The following TCP11L1 variants were observed in gnomAD, a reference collection of about 807,000 sequenced individuals.
TCP11L1 encodes the protein t-complex 11 like 1.
Under a neutral mutation model 48.9 loss-of-function variants are expected in TCP11L1, and 28 were observed. That is an observed-to-expected ratio of 0.57 (90% CI 0.42 to 0.78). The LOEUF is 0.78. Among genes scored for constraint, TCP11L1 ranks in the 30% least tolerant of loss-of-function variants. The pLI is 0.00. For missense variants in TCP11L1, 505 were observed against 613.4 expected (o/e 0.82, Z 1.87); for synonymous variants, 204 against 231.9 (o/e 0.88, Z 1.09).
At chr11:33,069,366 TAAC>T (rs981412256) in intron 9 of TCP11L1, among the ~76,000 whole-genome samples, 5 of 151,566 alleles carry the variant, frequency 3.3e-5, no homozygotes, top group African/African-American at 1.2e-4. Context: ...TCAAATATAA[TAAC>T]TTAAAATGGT....
In TCP11L1 at chr11:33,061,687, G is replaced by A. The variant is rs1854471669; in HGVS notation, c.933G>A (p.Lys311=). The A allele has an allele frequency of 6.2e-7, 1 of 1,609,100 alleles. No individual in the cohort carries two copies. Among genetic ancestry groups the A allele is most frequent in the Non-Finnish European group, 8.5e-7 (1 of 1,177,186 alleles). ...CTGTCCAGAATTACGCTTACCTGAA[G>A]CTTCTGAAGTGGGACCACCTCCAGA... The part of the protein sequence containing the change: ...PVAVQNYAYL[K]LLKWDHLQRP... The change falls in exon 7 of 10, where the codon AAG becomes AAA. Residue 311 remains lysine (K), a synonymous_variant. Transcript: ENST00000334274.
chr11:33,057,915 GT>G lies in TCP11L1; in HGVS notation c.418-3del. The G allele has an allele frequency of 6.2e-7, 1 of 1,610,538 alleles. No homozygotes were observed. The highest frequency in any genetic ancestry group is 8.5e-7 in the Non-Finnish European group (1 of 1,179,028). ...TGATTAAACGTAGCTGTGTTCTCTTGTAGACTCTCTTATCTTTCTTGCTGCC... is the reference window on the plus strand; with the variant it reads ...TGATTAAACGTAGCTGTGTTCTCTTGAGACTCTCTTATCTTTCTTGCTGCC... On this transcript the variant is annotated splice_region_variant and splice_polypyrimidine_tract_variant and intron_variant, in intron 4 of 9. Coordinates refer to ENST00000334274, the MANE Select transcript of TCP11L1 (RefSeq NM_018393.4).
At chr11:33,045,054 A>T (rs575063563) in intron 2 of TCP11L1, among the ~76,000 whole-genome samples, 1 of 152,276 alleles carries the variant, frequency 6.6e-6, no homozygotes, top group Non-Finnish European at 1.5e-5. Flanking sequence ...CATCTATTGC[A>T]TTTAAAGATG....
chr11:33,058,842 C>T (rs574902421), intron 5 of TCP11L1, 117 bp from the exon 6 acceptor site: 161 of 1,143,422 alleles, frequency 1.4e-4, no homozygotes, highest in Non-Finnish European at 1.8e-4. Flanking sequence ...GCAGTCCTCC[C>T]GCCTTGGCCT....
intron 9 of TCP11L1, among the ~76,000 whole-genome samples, chr11:33,071,868 C>A (rs1854800283): frequency 6.6e-6 from 1 of 152,062 alleles, no homozygotes; most frequent in South Asian, 2.1e-4. Flanking sequence ...TGTTTGGGGA[C>A]AGAGTCTGGC....
At chr11:33,053,875 G>A (rs1411099491) in intron 2 of TCP11L1, among the ~76,000 whole-genome samples, 1 of 151,928 alleles carries the variant, frequency 6.6e-6, no homozygotes, top group East Asian at 1.9e-4. Context: ...TGTTACCCAG[G>A]CTTGAGTGCA....
intron 9 of TCP11L1, among the ~76,000 whole-genome samples, chr11:33,069,679 AC>A (rs1854721337): frequency 6.6e-6 from 1 of 151,862 alleles, no homozygotes; most frequent in Non-Finnish European, 1.5e-5. Flanking sequence ...ACTGCACTCC[AC>A]CTCTGTGCTC....
Position 33,072,846 on chromosome 11 carries a change from C to A in TCP11L1, c.*170C>A. On this transcript the variant is annotated 3_prime_UTR_variant, in exon 10 of 10. Transcript: ENST00000334274. ...TTGAAAAGACTTGTTGAGAAATCCA[C>A]TGAATTCTATTTTGAGAGATTGTAT... The A allele has an allele frequency of 1.4e-6, 1 of 707,008 alleles. No individual in the cohort carries two copies. The highest frequency in any genetic ancestry group is 2.3e-6 in the Non-Finnish European group (1 of 429,538). The allele number at this position is 707,008 out of a possible 1,614,324, so 43.8% of individuals were successfully genotyped here. A position where few individuals can be genotyped will look rare whatever the true frequency, so the allele number is the denominator to read the frequency against.
At chr11:33,069,168 C>A (rs1292031531) in intron 9 of TCP11L1, among the ~76,000 whole-genome samples, 1 of 152,148 alleles carries the variant, frequency 6.6e-6, no homozygotes, top group Non-Finnish European at 1.5e-5. Context: ...GGGCAGCAAC[C>A]TTACAAGGTC....
At chr11:33,064,285 G>A (rs1170848349) in intron 7 of TCP11L1, among the ~76,000 whole-genome samples, 1 of 152,222 alleles carries the variant, frequency 6.6e-6, no homozygotes, top group Non-Finnish European at 1.5e-5. Context: ...ACAAAGCCAT[G>A]TGAAGTCAGA....
At chr11:33,043,555 A>T (rs985838073) in intron 1 of TCP11L1, among the ~76,000 whole-genome samples, 195 bp from the exon 2 acceptor site, 1 of 152,242 alleles carries the variant, frequency 6.6e-6, no homozygotes, top group Admixed American at 6.5e-5. Flanking sequence ...GATAAATTAC[A>T]AATGTCATTT....
chr11:33,060,617 G>A (rs952396322), intron 6 of TCP11L1, among the ~76,000 whole-genome samples: 5 of 152,162 alleles, frequency 3.3e-5, no homozygotes, highest in Admixed American at 2.0e-4. Context: ...ATCCCTCAGA[G>A]TGCCCCCTGC....
Position 33,050,752 on chromosome 11 carries a change from G to T in TCP11L1, c.164-3841G>T, listed in dbSNP as rs75538906. Reference sequence around the variant, plus strand: ...TTATCCATTTTTTATTTTGTAGTTTGAGTTTTTTGTATCCTATCTAAGAAA... The same window carrying T: ...TTATCCATTTTTTATTTTGTAGTTTTAGTTTTTTGTATCCTATCTAAGAAA... On this transcript the variant is annotated intron_variant, in intron 2 of 9. Coordinates refer to ENST00000334274, the MANE Select transcript of TCP11L1 (RefSeq NM_018393.4). 7.4e-3 allele frequency among the ~76,000 whole-genome samples: 1,126 copies of T among 152,000 alleles called. 18 individuals are homozygous for T. Among genetic ancestry groups the T allele is most frequent in the African/African-American group, 0.026 (1,088 of 41,486 alleles).
chr11:33,067,906 A>T (rs1025836447), intron 8 of TCP11L1, among the ~76,000 whole-genome samples: 2 of 151,620 alleles, frequency 1.3e-5, no homozygotes, highest in Non-Finnish European at 2.9e-5. Flanking sequence ...TTTATTTTTT[A>T]AAAATTTTTT....
chr11:33,062,111 A>C (rs1854485435), intron 7 of TCP11L1, among the ~76,000 whole-genome samples: 1 of 151,990 alleles, frequency 6.6e-6, no homozygotes, highest in Non-Finnish European at 1.5e-5. Flanking sequence ...TAAATAAATA[A>C]AATAAAAAAT....
Position 33,072,892 on chromosome 11 carries a change from A to G in TCP11L1, c.*216A>G, listed in dbSNP as rs985050141. 5.1e-6 allele frequency: 3 copies of G among 591,364 alleles called. No individual in the cohort carries two copies. Among genetic ancestry groups the G allele is most frequent in the Non-Finnish European group, 8.8e-6 (3 of 340,312 alleles). 36.6% of individuals were successfully genotyped at this position (591,364 alleles called of 1,614,324 possible). ...TGTATTTATGAGTGCAAGTTTACAA[A>G]TCAAAGAAGCATTTTGTTCTCGAGT... is the stretch of plus-strand genomic sequence containing the variant. On this transcript the variant is annotated 3_prime_UTR_variant, in exon 10 of 10. Coordinates refer to ENST00000334274, the MANE Select transcript of TCP11L1 (RefSeq NM_018393.4).
chr11:33,061,447 A>G, intron 6 of TCP11L1, 83 bp from the exon 7 acceptor site: 6 of 1,322,510 alleles, frequency 4.5e-6, no homozygotes, highest in Non-Finnish European at 6.1e-6. Flanking sequence ...TCACTCCACC[A>G]GGACATCGAT....
At chr11:33,042,194 G>T (rs1371240374) in intron 1 of TCP11L1, among the ~76,000 whole-genome samples, 2 of 152,092 alleles carry the variant, frequency 1.3e-5, no homozygotes, top group Admixed American at 1.3e-4. Flanking sequence ...GCAGTGGTGC[G>T]ATCTCGGCTC....
chr11:33,059,643 A>G (rs955523235), intron 6 of TCP11L1, among the ~76,000 whole-genome samples: 1 of 152,220 alleles, frequency 6.6e-6, no homozygotes, highest in African/African-American at 2.4e-5. Context: ...CTGCATTGCT[A>G]ACTGACATTC....
Sources: gnomAD v4.1 joint callset for allele counts (sites outside exome capture counted in the v4.1 genomes callset) on GRCh38, gnomAD v4.1.1 for gene constraint, MANE v1.5 for transcripts, NCBI Gene and HGNC (gene_info 2026-07-23, HGNC 2026-07-21) for gene names.